CCSER1: variants seen among roughly 807,000 people sequenced by gnomAD.
CCSER1 encodes the protein coiled-coil serine rich protein 1.
CCSER1 carries 41 observed loss-of-function variants against 82.0 expected under a neutral mutation model. The observed-to-expected ratio is 0.50, with a 90% CI of 0.39 to 0.65. The LOEUF is 0.65. CCSER1 is among the 30% of genes least tolerant of loss of function. The pLI is 0.00. For synonymous variants in CCSER1, 414 were observed against 383.9 expected (o/e 1.08, Z -0.92); for missense variants, 1,119 against 1,064.2 (o/e 1.05, Z -0.72).
At chr4:91,253,502 T>C (rs116308992) in intron 10 of CCSER1, among the ~76,000 whole-genome samples, 2,476 of 152,208 alleles carry the variant, frequency 0.016, 36 homozygotes, top group Middle Eastern at 0.051. Context: ...GGAATCACTT[T>C]AGAACCAAAG....
chr4:90,229,182 G>A (rs1315094692), intron 1 of CCSER1, among the ~76,000 whole-genome samples: 4 of 152,190 alleles, frequency 2.6e-5, no homozygotes, highest in Non-Finnish European at 1.5e-5. Context: ...ATTCATTGAA[G>A]TTGAAATGAA....
intron 6 of CCSER1, among the ~76,000 whole-genome samples, chr4:90,711,450 T>C (rs550171668): frequency 2.0e-5 from 3 of 152,260 alleles, no homozygotes; most frequent in South Asian, 4.1e-4. Flanking sequence ...CCATTTAGTA[T>C]GATATTGGCT....
At chr4:90,359,487 C>T (rs1206014367) in intron 3 of CCSER1, among the ~76,000 whole-genome samples, 1 of 152,006 alleles carries the variant, frequency 6.6e-6, no homozygotes, top group Non-Finnish European at 1.5e-5. Flanking sequence ...TGCCTGTAAT[C>T]CCAGCAGTTT....
At chr4:90,158,475 C>G (rs1006899400) in intron 1 of CCSER1, among the ~76,000 whole-genome samples, 1 of 152,194 alleles carries the variant, frequency 6.6e-6, no homozygotes, top group African/African-American at 2.4e-5. Flanking sequence ...TGCCCTGCCC[C>G]CAGAGGTGGA....
At chr4:91,205,255 G>A (rs1736243955) in intron 10 of CCSER1, among the ~76,000 whole-genome samples, 2 of 151,546 alleles carry the variant, frequency 1.3e-5, no homozygotes, top group South Asian at 4.2e-4. Context: ...CACAGTTTTG[G>A]TCATTAAAAA....
chr4:91,005,310 C>CAAA (rs1738405585), intron 9 of CCSER1, among the ~76,000 whole-genome samples: 1 of 151,802 alleles, frequency 6.6e-6, no homozygotes, highest in Admixed American at 6.6e-5. Flanking sequence ...GGTGATTTAG[C>CAAA]CTTCAATAAA....
At chr4:90,282,274 G>T (rs1314524601) in intron 1 of CCSER1, among the ~76,000 whole-genome samples, 1 of 151,704 alleles carries the variant, frequency 6.6e-6, no homozygotes, top group Non-Finnish European at 1.5e-5. Context: ...GTTTATAAAT[G>T]GGTTATCATT....
At chr4:90,908,769 T>C (rs1004470100) in intron 8 of CCSER1, among the ~76,000 whole-genome samples, 1 of 152,118 alleles carries the variant, frequency 6.6e-6, no homozygotes, top group Non-Finnish European at 1.5e-5. Flanking sequence ...AATGGAAAAC[T>C]GTTAGTGTGT....
intron 3 of CCSER1, among the ~76,000 whole-genome samples, chr4:90,397,615 C>T (rs1268477017): frequency 6.6e-6 from 1 of 152,156 alleles, no homozygotes; most frequent in African/African-American, 2.4e-5. Context: ...CAGTGTTTTG[C>T]ATCTTGCAGT....
At chr4:91,091,193 G>T (rs576397168) in intron 10 of CCSER1, among the ~76,000 whole-genome samples, 1 of 152,046 alleles carries the variant, frequency 6.6e-6, no homozygotes, top group East Asian at 1.9e-4. Context: ...AAGATTATGC[G>T]TTTGGGCACC....
At chr4:91,464,480 C>G (rs567950610) in intron 10 of CCSER1, among the ~76,000 whole-genome samples, 25 of 152,294 alleles carry the variant, frequency 1.6e-4, no homozygotes, top group African/African-American at 5.8e-4. Context: ...ATCGTAATGA[C>G]AGGATCAAAT....
intron 8 of CCSER1, among the ~76,000 whole-genome samples, chr4:90,901,840 C>G (rs1207634237): frequency 6.6e-6 from 1 of 152,006 alleles, no homozygotes; most frequent in East Asian, 1.9e-4. Context: ...GTCAACCTCT[C>G]TAGAAAGGTT....
chr4:90,484,837 G>A (rs777715117), intron 5 of CCSER1, among the ~76,000 whole-genome samples: 1 of 152,230 alleles, frequency 6.6e-6, no homozygotes, highest in Non-Finnish European at 1.5e-5. Flanking sequence ...ACCCTCTTGA[G>A]GAGACAGTCT....
At chr4:91,268,206 A>G (rs1227216583) in intron 10 of CCSER1, among the ~76,000 whole-genome samples, 4 of 152,346 alleles carry the variant, frequency 2.6e-5, no homozygotes, top group South Asian at 4.1e-4. Flanking sequence ...AAATAACATT[A>G]GAGGTAAATA....
Position 91,088,831 on chromosome 4 carries a change from C to T in CCSER1, c.2217+2837C>T, listed in dbSNP as rs147596985. 3.0e-3 allele frequency among the ~76,000 whole-genome samples: 464 copies of T among 152,158 alleles called. 1 individual carries two copies. Among genetic ancestry groups the T allele is most frequent in the African/African-American group, 0.011 (448 of 41,514 alleles). Reference sequence around the variant, plus strand: ...CATAGAAAAACCTCAGTGAAATTCACTGGGTAAGACACATAGATAAGTCAT... The same window carrying T: ...CATAGAAAAACCTCAGTGAAATTCATTGGGTAAGACACATAGATAAGTCAT... On this transcript the variant is annotated intron_variant, in intron 10 of 10. Coordinates refer to ENST00000509176, the MANE Select transcript of CCSER1 (RefSeq NM_001145065.2).
intron 10 of CCSER1, among the ~76,000 whole-genome samples, chr4:91,195,518 C>T (rs1017265331): frequency 1.3e-5 from 2 of 152,028 alleles, no homozygotes; most frequent in Non-Finnish European, 1.5e-5. Context: ...TTGAATCATA[C>T]CAATATAATT....
At chr4:91,094,051 T>C (rs567588835) in intron 10 of CCSER1, among the ~76,000 whole-genome samples, 1 of 152,264 alleles carries the variant, frequency 6.6e-6, no homozygotes, top group African/African-American at 2.4e-5. Context: ...AGATCTGAGC[T>C]TTCTTCTTGG....
intron 2 of CCSER1, among the ~76,000 whole-genome samples, chr4:90,311,073 G>T (rs1735204697): frequency 6.6e-6 from 1 of 151,960 alleles, no homozygotes; most frequent in East Asian, 1.9e-4. Context: ...AATGTACTAA[G>T]AAGATTGCAT....
intron 6 of CCSER1, among the ~76,000 whole-genome samples, chr4:90,653,017 G>A (rs559026172): frequency 6.6e-6 from 1 of 151,904 alleles, no homozygotes; most frequent in African/African-American, 2.4e-5. Context: ...ACTTTTAGGG[G>A]GCCAAGCCTA....
Sources: gnomAD v4.1 joint callset for allele counts (sites outside exome capture counted in the v4.1 genomes callset) on GRCh38, gnomAD v4.1.1 for gene constraint, MANE v1.5 for transcripts, NCBI Gene and HGNC (gene_info 2026-07-23, HGNC 2026-07-21) for gene names.